Variants in SCFD1 observed in about 807,000 individuals in gnomAD.
SCFD1 encodes the protein sec1 family domain-containing protein 1.
A neutral mutation model predicts 103.2 loss-of-function variants in SCFD1; 37 were observed. The ratio of observed to expected loss-of-function variants is 0.36; its 90% CI spans 0.28 to 0.47. The LOEUF (loss-of-function observed/expected upper bound fraction) is 0.47, where lower values mean the gene tolerates loss of function less well. Among genes scored for constraint, SCFD1 ranks in the 20% least tolerant of loss-of-function variants. SCFD1 has a pLI of 1.00. For synonymous variants in SCFD1, 264 were observed against 245.0 expected, an observed-to-expected ratio of 1.08 and a Z score of -0.73; for missense variants, 639 against 761.2, an observed-to-expected ratio of 0.84 and a Z score of 1.89.
intron 12 of SCFD1, 150 bp downstream of exon 12, chr14:30,673,497 G>A: frequency 2.0e-6 from 1 of 496,604 alleles, no homozygotes; most frequent in South Asian, 3.9e-5. Flanking sequence ...TGATCAAAAA[G>A]AAATCTAAAT....
intron 15 of SCFD1, among the ~76,000 whole-genome samples, chr14:30,698,860 C>T (rs921327365): frequency 6.6e-6 from 1 of 152,166 alleles, no homozygotes; most frequent in Non-Finnish European, 1.5e-5. Context: ...AACTGCACAT[C>T]TATGAAGCTG....
chr14:30,664,252 G>A (rs971379830), intron 10 of SCFD1, among the ~76,000 whole-genome samples: 1 of 152,102 alleles, frequency 6.6e-6, no homozygotes, highest in Non-Finnish European at 1.5e-5. Context: ...TGATTACCCA[G>A]GCAAACAGGG....
rs190502346 is a variant in SCFD1 at position 30,640,637 on chromosome 14, C to A, written c.523+773C>A. On this transcript the variant is annotated intron_variant, in intron 6 of 24. Coordinates refer to ENST00000458591, the MANE Select transcript of SCFD1 (RefSeq NM_016106.4). ...ATCAGAAAAATTGGTGTGTTGAATT[C>A]CCTTAAACATTTTAAATTTTATTAA... Among the ~76,000 whole-genome samples the A allele has an allele frequency of 6.6e-5, 10 of 152,038 alleles. No individual in the cohort carries two copies. The East Asian group carries it at 1.9e-3, about 29-fold the overall frequency.
At chr14:30,653,443 C>A in intron 9 of SCFD1, 46 bp from the exon 10 acceptor site, 2 of 1,166,010 alleles carry the variant, frequency 1.7e-6, no homozygotes, top group Non-Finnish European at 2.6e-6. Flanking sequence ...TAGATGTATA[C>A]ACTGGTATCA....
At chr14:30,682,850 T>C (rs1484588641) in intron 14 of SCFD1, among the ~76,000 whole-genome samples, 1 of 152,128 alleles carries the variant, frequency 6.6e-6, no homozygotes, top group Non-Finnish European at 1.5e-5. Context: ...GCTTGAGATA[T>C]ACTTTTTTTT....
intron 1 of SCFD1, chr14:30,622,610 T>TGGGC (rs1220291637): frequency 1.5e-5 from 12 of 802,534 alleles, no homozygotes; most frequent in Non-Finnish European, 2.2e-5. Flanking sequence ...GCTTCAGCGG[T>TGGGC]GGGCGGATTG....
intron 6 of SCFD1, among the ~76,000 whole-genome samples, chr14:30,641,195 T>A (rs1885237785): frequency 6.6e-6 from 1 of 152,214 alleles, no homozygotes; most frequent in South Asian, 2.1e-4. Context: ...GGTACAATGC[T>A]TTAAAAATTT....
chr14:30,667,736 A>C (rs1214094786), intron 10 of SCFD1, among the ~76,000 whole-genome samples: 1 of 152,222 alleles, frequency 6.6e-6, no homozygotes, highest in African/African-American at 2.4e-5. Flanking sequence ...ATGTGCAAAA[A>C]TCACAAGCAT....
At chr14:30,699,726 T>C (rs1202080738) in intron 15 of SCFD1, among the ~76,000 whole-genome samples, 1 of 152,214 alleles carries the variant, frequency 6.6e-6, no homozygotes, top group Non-Finnish European at 1.5e-5. Flanking sequence ...TGATTTTGTT[T>C]AGCCAGCAAA....
chr14:30,634,854 G>C (rs1306376146), intron 4 of SCFD1: 3 of 456,004 alleles, frequency 6.6e-6, no homozygotes, highest in Non-Finnish European at 1.3e-5. Flanking sequence ...AGCCCTGACT[G>C]TTGATTTTGA....
At chr14:30,712,482 CTATAT>C (rs1266634442) in intron 19 of SCFD1, among the ~76,000 whole-genome samples, 1 of 152,142 alleles carries the variant, frequency 6.6e-6, no homozygotes, top group Non-Finnish European at 1.5e-5. Flanking sequence ...GGTTATAGAA[CTATAT>C]TATATTTCTT....
chr14:30,639,259 T>C (rs1316265272), intron 5 of SCFD1, among the ~76,000 whole-genome samples: 1 of 152,140 alleles, frequency 6.6e-6, no homozygotes, highest in Non-Finnish European at 1.5e-5. Flanking sequence ...AGCTCTGGGA[T>C]TACAGGTGCA....
At chr14:30,696,877 CTAAA>C (rs1242379202) in intron 15 of SCFD1, among the ~76,000 whole-genome samples, 1 of 151,874 alleles carries the variant, frequency 6.6e-6, no homozygotes, top group Non-Finnish European at 1.5e-5. Flanking sequence ...AGGGGACTGG[CTAAA>C]TAAATATATT....
At chr14:30,679,919 G>C (rs1016839509) in intron 14 of SCFD1, among the ~76,000 whole-genome samples, 1 of 152,086 alleles carries the variant, frequency 6.6e-6, no homozygotes, top group Non-Finnish European at 1.5e-5. Flanking sequence ...AGTTCACAGT[G>C]GATGAGCTAT....
chr14:30,723,547 C>T (rs1240758726), intron 23 of SCFD1, among the ~76,000 whole-genome samples: 2 of 152,142 alleles, frequency 1.3e-5, no homozygotes, highest in African/African-American at 4.8e-5. Context: ...GATCCTCTCC[C>T]TCTTCCCACC....
chr14:30,724,260 T>TG (rs1892877344), intron 23 of SCFD1, among the ~76,000 whole-genome samples: 1 of 136,604 alleles, frequency 7.3e-6, no homozygotes, highest in South Asian at 2.5e-4. Context: ...TTTTTTTTTT[T>TG]TTTTTTTTTT....
At chr14:30,655,823 G>A (rs1815845837) in intron 10 of SCFD1, among the ~76,000 whole-genome samples, 1 of 152,118 alleles carries the variant, frequency 6.6e-6, no homozygotes, top group Admixed American at 6.6e-5. Flanking sequence ...GTTTAGTTTT[G>A]GGTATGTTAA....
At chr14:30,710,332 T>TAAA (rs397853428) in intron 19 of SCFD1, among the ~76,000 whole-genome samples, 1,962 of 81,966 alleles carry the variant, frequency 0.024, 72 homozygotes, top group African/African-American at 0.035. Flanking sequence ...GCCATGTCAT[T>TAAA]AAAAAAAAAA....
chr14:30,629,555 T>G (rs1396720883), intron 2 of SCFD1, among the ~76,000 whole-genome samples: 1 of 151,440 alleles, frequency 6.6e-6, no homozygotes, highest in Non-Finnish European at 1.5e-5. Flanking sequence ...ACTAAGTCTA[T>G]CAAATACTCT....
Sources: gnomAD v4.1 joint callset for allele counts (sites outside exome capture counted in the v4.1 genomes callset) on GRCh38, gnomAD v4.1.1 for gene constraint, MANE v1.5 for transcripts, NCBI Gene and HGNC (gene_info 2026-07-23, HGNC 2026-07-21) for gene names.